The following KLF11 variants were observed in gnomAD, a reference collection of about 807,000 sequenced individuals.
The protein encoded by KLF11 is Krueppel-like factor 11.
KLF11 carries 26 observed loss-of-function variants against 29.9 expected under a neutral mutation model. The observed-to-expected ratio is 0.87, with a 90% CI of 0.64 to 1.21. The LOEUF (loss-of-function observed/expected upper bound fraction) is 1.21, where lower values mean the gene tolerates loss of function less well. KLF11 is among the 50% of genes most tolerant of loss of function. The pLI, the probability that KLF11 is intolerant of heterozygous loss-of-function variation, is 0.00. For synonymous variants in KLF11, 318 were observed against 257.4 expected, an observed-to-expected ratio of 1.24 and a Z score of -2.25; for missense variants, 778 against 665.7, an observed-to-expected ratio of 1.17 and a Z score of -1.86.
At chr2:10,046,063 C>G in intron 1 of KLF11, 87 bp from the exon 2 acceptor site, 2 of 1,493,756 alleles carry the variant, frequency 1.3e-6, no homozygotes, top group South Asian at 2.3e-5. Flanking sequence ...CTACTGTAGG[C>G]TTCTGATATG....
At position 10,052,742 on chromosome 2, in the gene KLF11, T is replaced by C. The variant is rs150051327; in HGVS notation, c.*235T>C. 2.7e-3 allele frequency: 1,324 copies of C among 494,302 alleles called. 18 individuals are homozygous for C. The highest frequency in any genetic ancestry group is 0.023 in the African/African-American group (1,188 of 51,060). The allele number at this position is 494,302 out of a possible 1,614,324, so 30.6% of individuals were successfully genotyped here. On this transcript the variant is annotated 3_prime_UTR_variant, in exon 4 of 4. Transcript: ENST00000305883. ...TGTTTTGGTTTTTTTTTTAAAGAAA[T>C]GGTAGAAAATTTGATAATCTGAATC... is the stretch of plus-strand genomic sequence containing the variant.
In KLF11 at chr2:10,046,423, A is replaced by G. The variant is rs767248653; in HGVS notation, c.312+4A>G. 2 of 1,613,600 alleles carry G rather than the reference A, an allele frequency of 1.2e-6. No individual in the cohort carries two copies. Among genetic ancestry groups the G allele is most frequent in the Non-Finnish European group, 1.7e-6 (2 of 1,180,052 alleles). On this transcript the variant is annotated splice_donor_region_variant and intron_variant, in intron 2 of 3. Transcript: ENST00000305883. The stretch of plus-strand genomic sequence containing the variant: ...CTTCCATTCTTTATCGACTCTGGTA[A>G]GAGGAGGTGGGAGGGAGGAGCGTTT...
rs1315823199 is a variant in KLF11 at position 10,048,531 on chromosome 2, C to T, written c.1194C>T (p.Phe398=). 1.9e-6 allele frequency: 3 copies of T among 1,611,986 alleles called. No individual in the cohort carries two copies. In the Admixed American group the frequency reaches 5.0e-5, roughly 27 times the overall value. The change falls in exon 3 of 4, where the codon TTC becomes TTT. Residue 398 remains phenylalanine, a synonymous_variant. Transcript: ENST00000305883. Reference sequence around the variant, plus strand: ...GAAGGAGGAACTATGTATGCAGCTTCCCAGGTTGCCGGAAGACCTACTTCA... The same window carrying T: ...GAAGGAGGAACTATGTATGCAGCTTTCCAGGTTGCCGGAAGACCTACTTCA... ...FSRRRNYVCS[F]PGCRKTYFKS...
At chr2:10,044,464 C>G in intron 1 of KLF11, 2 of 984,814 alleles carry the variant, frequency 2.0e-6, no homozygotes, top group Non-Finnish European at 2.4e-6. Flanking sequence ...GAGTCGGCCT[C>G]GGCGCCCGGT....
Position 10,053,137 on chromosome 2 carries a change from G to GA in KLF11, c.*633dup, listed in dbSNP as rs1661458048. The GA allele has an allele frequency of 2.5e-6, 1 of 397,190 alleles. No homozygotes were observed. Among genetic ancestry groups the GA allele is most frequent in the Non-Finnish European group, 4.4e-6 (1 of 225,956 alleles). 24.6% of individuals were successfully genotyped at this position (397,190 alleles called of 1,614,324 possible). ...TCAGCTTCTTCATAACGTTTTCAAG[G>GA]AAATTCTAGGCAATCATTCCTGTCA... On this transcript the variant is annotated 3_prime_UTR_variant, in exon 4 of 4. Transcript: ENST00000305883.
intron 3 of KLF11, among the ~76,000 whole-genome samples, chr2:10,050,828 A>G (rs6724946): frequency 0.82 from 124,289 of 151,004 alleles, 51,220 homozygotes; most frequent in Middle Eastern, 0.89. Context: ...ATTGCTTTTT[A>G]TATATATTTC....
intron 1 of KLF11, chr2:10,044,014 G>A (rs929054237): frequency 1.4e-6 from 1 of 712,310 alleles, no homozygotes; most frequent in Non-Finnish European, 1.7e-6. Flanking sequence ...GGGCGGCCCC[G>A]CCCCGCTGGC....
intron 1 of KLF11, 48 bp downstream of exon 1, chr2:10,043,806 C>A: frequency 7.5e-7 from 1 of 1,332,574 alleles, no homozygotes; most frequent in Non-Finnish European, 9.8e-7. Flanking sequence ...GAGCGAGGGG[C>A]GAGGCGGGGG....
At chr2:10,045,433 A>G (rs560492171) in intron 1 of KLF11, among the ~76,000 whole-genome samples, 108 of 146,388 alleles carry the variant, frequency 7.4e-4, no homozygotes, top group African/African-American at 2.6e-3. Context: ...GGTGGCGGGC[A>G]CTGCAGTGAG....
At chr2:10,047,603 C>T (rs781382106) in intron 2 of KLF11, 47 bp from the exon 3 acceptor site, 12 of 1,493,048 alleles carry the variant, frequency 8.0e-6, no homozygotes, top group Middle Eastern at 1.7e-4. Context: ...AATTAAATCC[C>T]TTTTAAAATT....
Position 10,048,213 on chromosome 2 carries a change from G to A in KLF11, c.876G>A (p.Val292=), listed in dbSNP as rs201595721. The stretch of plus-strand genomic sequence containing the variant: ...CTGTCCTTTGCCAGATGATCCCTGT[G>A]ACTGGACAAAGTAGCATGTTACCAG... The part of the protein sequence containing the change: ...APPVLCQMIP[V]TGQSSMLPAF... The change falls in exon 3 of 4, where the codon GTG becomes GTA. Residue 292 remains valine, a synonymous_variant. Coordinates refer to ENST00000305883, the MANE Select transcript of KLF11 (RefSeq NM_003597.5). 38 of 1,614,176 alleles carry A rather than the reference G, an allele frequency of 2.4e-5. No homozygotes were observed. In the Admixed American group the frequency reaches 2.5e-4, roughly 11 times the overall value.
intron 1 of KLF11, 60 bp from the exon 2 acceptor site, chr2:10,046,090 T>G (rs569501166): frequency 1.2e-6 from 2 of 1,607,778 alleles, no homozygotes; most frequent in East Asian, 4.5e-5. Flanking sequence ...CACATGCCCA[T>G]CATGGGTGGC....
rs1661205598 is a variant in KLF11 at position 10,046,426 on chromosome 2, G to A, written c.312+7G>A. The A allele has an allele frequency of 1.2e-6, 2 of 1,613,456 alleles. No homozygotes were observed. The highest frequency in any genetic ancestry group is 1.3e-5 in the African/African-American group (1 of 75,054). ...CCATTCTTTATCGACTCTGGTAAGA[G>A]GAGGTGGGAGGGAGGAGCGTTTTTG... On this transcript the variant is annotated splice_region_variant and intron_variant, in intron 2 of 3. Coordinates refer to ENST00000305883, the MANE Select transcript of KLF11 (RefSeq NM_003597.5).
At chr2:10,047,332 T>C (rs376481620) in intron 2 of KLF11, among the ~76,000 whole-genome samples, 10 of 152,334 alleles carry the variant, frequency 6.6e-5, no homozygotes, top group Admixed American at 3.9e-4. Context: ...AAGAAGAGTG[T>C]AGAAAGCAGA....
In KLF11 at chr2:10,054,382, C is replaced by T. The variant is rs1287532927; in HGVS notation, c.*1875C>T. 1 of 152,276 alleles carries T rather than the reference C, an allele frequency of 6.6e-6. No individual in the cohort carries two copies. Among genetic ancestry groups the T allele is most frequent in the Non-Finnish European group, 1.5e-5 (1 of 68,046 alleles). The allele number at this position is 152,276 out of a possible 1,614,324, so 9.4% of individuals were successfully genotyped here. On this transcript the variant is annotated 3_prime_UTR_variant, in exon 4 of 4. Transcript: ENST00000305883. Reference sequence around the variant, plus strand: ...CTTTTGAGTATTTGGTTGCTTGTCACAACATTCTCCAAGCAGTGATATTTC... The same window carrying T: ...CTTTTGAGTATTTGGTTGCTTGTCATAACATTCTCCAAGCAGTGATATTTC...
At chr2:10,046,505 C>G (rs1661208553) in intron 2 of KLF11, 86 bp downstream of exon 2, 4 of 1,450,258 alleles carry the variant, frequency 2.8e-6, no homozygotes, top group Non-Finnish European at 3.8e-6. Flanking sequence ...TGAGAAGATT[C>G]CCTGGGATGC....
intron 1 of KLF11, among the ~76,000 whole-genome samples, chr2:10,045,376 A>T (rs115301086): frequency 1.3e-3 from 200 of 152,016 alleles, no homozygotes; most frequent in African/African-American, 4.4e-3. Flanking sequence ...CTTGACCAAC[A>T]TAGCAAAACT....
rs964923478 is a variant in KLF11 at position 10,052,385 on chromosome 2, G to A, written c.1417G>A (p.Ala473Thr). The A allele has an allele frequency of 5.6e-6, 9 of 1,614,054 alleles. No individual in the cohort carries two copies. In the African/African-American group the frequency reaches 9.3e-5, roughly 17 times the overall value. Residue 473 changes from alanine (A) to threonine (T), a missense_variant, in exon 4 of 4, where the codon GCC (alanine) becomes ACC (threonine). Ala to Thr is a moderately conservative substitution (Grantham distance 58). Coordinates refer to ENST00000305883, the MANE Select transcript of KLF11 (RefSeq NM_003597.5). ...GCGCAGTGACCACCTGACGAAGCAT[G>A]CCCGGCGCCACATGACGACCAAGAA... Reference protein sequence around the residue: ...FMRSDHLTKHARRHMTTKKIP... With the variant: ...FMRSDHLTKHTRRHMTTKKIP...
chr2:10,050,430 G>A (rs570939163), intron 3 of KLF11, among the ~76,000 whole-genome samples: 38 of 147,740 alleles, frequency 2.6e-4, no homozygotes, highest in Non-Finnish European at 4.9e-4. Flanking sequence ...AAAAAAAATT[G>A]GCCAGGCACT....
Sources: gnomAD v4.1 joint callset for allele counts (sites outside exome capture counted in the v4.1 genomes callset) on GRCh38, gnomAD v4.1.1 for gene constraint, MANE v1.5 for transcripts, NCBI Gene and HGNC (gene_info 2026-07-23, HGNC 2026-07-21) for gene names.